The following FREM1 variants were observed in gnomAD, a reference collection of about 807,000 sequenced individuals.
The protein encoded by FREM1 is FRAS1 related extracellular matrix 1.
In FREM1, 220 loss-of-function variants were observed where a neutral mutation model predicts 210.1. The observed-to-expected ratio is 1.05, with a 90% CI of 0.94 to 1.17. The LOEUF (loss-of-function observed/expected upper bound fraction) is 1.17, where lower values mean the gene tolerates loss of function less well. Ranked by LOEUF, FREM1 falls within the 50% of genes most tolerant of loss-of-function variation. The pLI is 0.00. For synonymous variants in FREM1, 1,189 were observed against 980.2 expected, an observed-to-expected ratio of 1.21 and a Z score of -3.98; for missense variants, 3,454 against 2,675.5, an observed-to-expected ratio of 1.29 and a Z score of -6.42.
In FREM1 at chr9:14,859,234, G is replaced by A. The variant is rs771703167; in HGVS notation, c.580C>T (p.Arg194Ter). 1.7e-5 allele frequency: 28 copies of A among 1,609,592 alleles called. No homozygotes were observed. Among genetic ancestry groups the A allele is most frequent in the South Asian group, 1.3e-4 (12 of 90,856 alleles). ...TGATCTCCACGAGGTTCTTCTGGTC[G>A]AGGCTCCCCGAGAACCATCTGGCCA... ...AHGQMVLGEP[R>*]PEEPRGDQPH... is the part of the protein sequence containing the mutation. The change falls in exon 4 of 37, where the codon CGA becomes TGA. Residue 194 changes from arginine (R) to a stop codon, truncating the protein, a stop_gained. Transcript: ENST00000380880. LOFTEE classifies it high-confidence loss of function.
intron 36 of FREM1, 39 bp downstream of exon 36, chr9:14,740,110 G>T (rs1033407632): frequency 1.5e-6 from 2 of 1,351,762 alleles, no homozygotes; most frequent in Non-Finnish European, 2.1e-6. Context: ...TCATGTCCTT[G>T]CCTCCCTCCT....
intron 7 of FREM1, among the ~76,000 whole-genome samples, chr9:14,847,087 A>T (rs1196502369): frequency 6.6e-6 from 1 of 152,182 alleles, no homozygotes; most frequent in Admixed American, 6.5e-5. Context: ...ACAGCCAGTG[A>T]AGTAAACTTT....
At chr9:14,821,529 C>G (rs190318448) in intron 13 of FREM1, among the ~76,000 whole-genome samples, 5 of 152,170 alleles carry the variant, frequency 3.3e-5, no homozygotes, top group Non-Finnish European at 5.9e-5. Flanking sequence ...AAAGAATGGT[C>G]TGAATAAAAT....
chr9:14,884,177 C>G (rs1835347539), intron 1 of FREM1, among the ~76,000 whole-genome samples: 1 of 151,956 alleles, frequency 6.6e-6, no homozygotes, highest in African/African-American at 2.4e-5. Context: ...TGCAGTGAGC[C>G]AAGATCGCGC....
chr9:14,885,142 T>C (rs991053837), intron 1 of FREM1, among the ~76,000 whole-genome samples: 2 of 151,738 alleles, frequency 1.3e-5, no homozygotes, highest in Admixed American at 1.3e-4. Flanking sequence ...GCCAGAATGG[T>C]CTCGATCTCC....
At chr9:14,884,471 A>G (rs1835414538) in intron 1 of FREM1, among the ~76,000 whole-genome samples, 1 of 152,224 alleles carries the variant, frequency 6.6e-6, no homozygotes, top group Non-Finnish European at 1.5e-5. Flanking sequence ...TTCTTTCTGA[A>G]ATGTGAAAAA....
intron 5 of FREM1, among the ~76,000 whole-genome samples, chr9:14,856,776 T>C (rs1030399244): frequency 6.9e-6 from 1 of 144,942 alleles, no homozygotes; most frequent in Non-Finnish European, 1.5e-5. Flanking sequence ...GAGCTTGCAG[T>C]GAGCCGACAT....
At position 14,769,707 on chromosome 9, in the gene FREM1, T is replaced by A. The variant is rs925137139; in HGVS notation, c.5204+17A>T. 1.2e-6 allele frequency: 2 copies of A among 1,611,202 alleles called. No homozygotes were observed. Among genetic ancestry groups the A allele is most frequent in the Admixed American group, 1.7e-5 (1 of 59,680 alleles). On this transcript the variant is annotated intron_variant, in intron 27 of 36. Transcript: ENST00000380880. ...GGATGTAACATATAGGACTACTGAA[T>A]AAGCAAGAGAATTTACATTTGAGGA... is the stretch of plus-strand genomic sequence containing the variant.
intron 27 of FREM1, among the ~76,000 whole-genome samples, chr9:14,766,746 G>A (rs755766028): frequency 3.2e-4 from 49 of 152,102 alleles, no homozygotes; most frequent in Non-Finnish European, 1.3e-4. Flanking sequence ...TTATCACAGA[G>A]GTTTCACCCC....
At position 14,868,973 on chromosome 9, in the gene FREM1, T is replaced by C. The variant is rs965453942; in HGVS notation, c.5A>G (p.Asn2Ser). Reference sequence around the variant, plus strand: ...ATTCGCAGCCCCCCAACTCAGAGAGTTCATGCTGACAGGGCCCAACTCTTC... The same window carrying C: ...ATTCGCAGCCCCCCAACTCAGAGAGCTCATGCTGACAGGGCCCAACTCTTC... MNSLSWGAANAV... is the reference protein window; with the variant it reads MSSLSWGAANAV... Residue 2 changes from asparagine to serine, a missense_variant, in exon 2 of 37, where the codon AAC becomes AGC. Coordinates refer to ENST00000380880, the MANE Select transcript of FREM1 (RefSeq NM_001379081.2). 10 of 1,569,148 alleles carry C rather than the reference T, an allele frequency of 6.4e-6. No individual in the cohort carries two copies. In the African/African-American group the frequency reaches 1.4e-4, roughly 21 times the overall value.
At chr9:14,898,028 T>C (rs761170215) in intron 1 of FREM1, among the ~76,000 whole-genome samples, 4 of 152,258 alleles carry the variant, frequency 2.6e-5, no homozygotes, top group African/African-American at 4.8e-5. Flanking sequence ...TAAATAATGT[T>C]ATGATTCAGT....
intron 27 of FREM1, among the ~76,000 whole-genome samples, chr9:14,763,230 G>C (rs1845819061): frequency 6.6e-6 from 1 of 152,188 alleles, no homozygotes; most frequent in Non-Finnish European, 1.5e-5. Context: ...TCCTGTGTGG[G>C]AATGATGTTT....
At chr9:14,886,214 G>C (rs1835777429) in intron 1 of FREM1, among the ~76,000 whole-genome samples, 1 of 151,898 alleles carries the variant, frequency 6.6e-6, no homozygotes, top group Admixed American at 6.6e-5. Context: ...GTGAAACCCT[G>C]TCTCTACTAA....
At position 14,792,642 on chromosome 9, in the gene FREM1, T is replaced by C. The variant is rs1327028864; in HGVS notation, c.3981+101A>G. The C allele has an allele frequency of 8.0e-6, 7 of 879,734 alleles. No individual in the cohort carries two copies. In the South Asian group the frequency reaches 1.2e-4, roughly 15 times the overall value. 54.5% of individuals were successfully genotyped at this position (879,734 alleles called of 1,614,324 possible). ...TAAATTTTCTACTTCTAGGCAAATATATGTCTATCAGAGAATAAATCCCAT... is the reference window on the plus strand; with the variant it reads ...TAAATTTTCTACTTCTAGGCAAATACATGTCTATCAGAGAATAAATCCCAT... On this transcript the variant is annotated intron_variant, in intron 22 of 36. Coordinates refer to ENST00000380880, the MANE Select transcript of FREM1 (RefSeq NM_001379081.2).
intron 15 of FREM1, 53 bp from the exon 16 acceptor site, chr9:14,813,117 C>T (rs1819703889): frequency 2.6e-6 from 4 of 1,542,886 alleles, no homozygotes; most frequent in African/African-American, 1.4e-5. Context: ...ATGACAAATT[C>T]TTTGACAGGT....
At chr9:14,873,143 G>A (rs576985068) in intron 1 of FREM1, among the ~76,000 whole-genome samples, 67 of 152,154 alleles carry the variant, frequency 4.4e-4, no homozygotes, top group African/African-American at 1.5e-3. Context: ...TTTTGGTTGT[G>A]TCTCTGCCAG....
At chr9:14,860,490 A>G (rs1037616190) in intron 3 of FREM1, among the ~76,000 whole-genome samples, 1 of 149,348 alleles carries the variant, frequency 6.7e-6, no homozygotes, top group South Asian at 2.1e-4. Context: ...TTTCTTTTTT[A>G]AATTTATTTT....
In FREM1 at chr9:14,822,791, T is replaced by C. The variant is rs1030250414; in HGVS notation, c.2337+369A>G. 3.3e-5 allele frequency among the ~76,000 whole-genome samples: 5 copies of C among 152,192 alleles called. No homozygotes were observed. In the East Asian group the frequency reaches 7.7e-4, roughly 23 times the overall value. The stretch of plus-strand genomic sequence containing the variant: ...AGCTTCTTTAGATTACAGAGCAGCA[T>C]AGTTGGGCTGCAGTGAGGGTAAATA... On this transcript the variant is annotated intron_variant, in intron 13 of 36. Coordinates refer to ENST00000380880, the MANE Select transcript of FREM1 (RefSeq NM_001379081.2).
intron 1 of FREM1, among the ~76,000 whole-genome samples, chr9:14,903,268 G>C (rs369393659): frequency 4.6e-5 from 7 of 152,342 alleles, no homozygotes; most frequent in African/African-American, 1.4e-4. Context: ...CATGTGGTCA[G>C]CAGGAACCTG....
Sources: gnomAD v4.1 joint callset for allele counts (sites outside exome capture counted in the v4.1 genomes callset) on GRCh38, gnomAD v4.1.1 for gene constraint, MANE v1.5 for transcripts, NCBI Gene and HGNC (gene_info 2026-07-23, HGNC 2026-07-21) for gene names.